Variants in CHD7 observed in about 807,000 individuals in gnomAD.
The protein encoded by CHD7 is ATP-dependent chromatin remodeler CHD7.
CHD7 carries 24 observed loss-of-function variants against 307.3 expected under a neutral mutation model. That is an observed-to-expected ratio of 0.08 (90% CI 0.06 to 0.11). The LOEUF is 0.11. Ranked by LOEUF, CHD7 falls within the 10% of genes least tolerant of loss-of-function variation. The pLI is 1.00. For missense variants in CHD7, 3,106 were observed against 3,727.1 expected (o/e 0.83, Z 4.34); for synonymous variants, 1,363 against 1,349.9 (o/e 1.01, Z -0.21).
At chr8:60,720,719 C>T (rs1807857743) in intron 1 of CHD7, among the ~76,000 whole-genome samples, 1 of 152,230 alleles carries the variant, frequency 6.6e-6, no homozygotes, top group Admixed American at 6.5e-5. Flanking sequence ...ATTGCTGCCG[C>T]TTACCAGCAG....
At chr8:60,807,132 C>A (rs759887582) in intron 6 of CHD7, among the ~76,000 whole-genome samples, 1 of 152,214 alleles carries the variant, frequency 6.6e-6, no homozygotes, top group Non-Finnish European at 1.5e-5. Context: ...ATTGAGGGGA[C>A]TAGTACCTTT....
chr8:60,821,603 C>CATATGTATAAACATATATATACATATGT (rs1170865895), intron 9 of CHD7, among the ~76,000 whole-genome samples, 187 bp from the exon 10 acceptor site: 98 of 149,704 alleles, frequency 6.5e-4, no homozygotes, highest in Non-Finnish European at 9.5e-4. Context: ...TACACACATA[C>CATATGTATAAACATATATATACATATGT]ATATGTATAA....
At position 60,795,134 on chromosome 8, in the gene CHD7, C is replaced by T. The variant is rs766163847; in HGVS notation, c.2238+7C>T. On this transcript the variant is annotated splice_region_variant and intron_variant, in intron 4 of 37. Transcript: ENST00000423902. ...TGAGGACCCAGGTGTTCAGGTAATA[C>T]AATTATTGTGATTCCCGAGCCTTGG... The T allele has an allele frequency of 4.4e-6, 7 of 1,609,102 alleles. No individual in the cohort carries two copies. In the Admixed American group the frequency reaches 8.5e-5, roughly 19 times the overall value.
chr8:60,789,103 G>A (rs1244444609), intron 3 of CHD7, among the ~76,000 whole-genome samples: 1 of 152,134 alleles, frequency 6.6e-6, no homozygotes, highest in African/African-American at 2.4e-5. Context: ...CTGCTCTTAA[G>A]TTGAGAGGCT....
intron 33 of CHD7, 57 bp from the exon 34 acceptor site, chr8:60,856,388 A>G (rs2129645627): frequency 2.0e-6 from 3 of 1,484,174 alleles, no homozygotes; most frequent in Middle Eastern, 1.8e-4. Context: ...AAGCCAGCCC[A>G]TATAGCAGTA....
intron 15 of CHD7, among the ~76,000 whole-genome samples, chr8:60,833,077 C>A (rs4416857): frequency 0.82 from 125,554 of 152,246 alleles, 52,285 homozygotes; most frequent in East Asian, 0.94. Context: ...CTCCAGGGCC[C>A]GTACTGTTCA....
intron 1 of CHD7, among the ~76,000 whole-genome samples, chr8:60,686,348 TAAA>T (rs10555815): frequency 0.11 from 16,642 of 148,792 alleles, 2,043 homozygotes; most frequent in African/African-American, 0.31. Flanking sequence ...CAGTTTTTCT[TAAA>T]AAAAAAAAAA....
intron 6 of CHD7, among the ~76,000 whole-genome samples, chr8:60,801,866 T>G (rs1409816980): frequency 6.6e-6 from 1 of 152,096 alleles, no homozygotes; most frequent in Non-Finnish European, 1.5e-5. Context: ...ACTTTCAGAG[T>G]TGTAGACTGC....
In CHD7 at chr8:60,862,628, C is replaced by T; in HGVS notation, c.8052C>T (p.Asp2684=). ...ATCCTGAATTTGCAGTTGCTCCAGA[C>T]TGGACTGATATAGTTAAGCAGTCTG... ...EENPEFAVAP[D]WTDIVKQSGF... is the part of the protein sequence containing the mutation. Residue 2684 remains aspartate, a synonymous_variant, in exon 37 of 38, where the codon GAC becomes GAT. Transcript: ENST00000423902. The T allele has an allele frequency of 6.4e-7, 1 of 1,567,636 alleles. No homozygotes were observed. Among genetic ancestry groups the T allele is most frequent in the South Asian group, 1.2e-5 (1 of 85,086 alleles).
intron 15 of CHD7, 37 bp downstream of exon 15, chr8:60,830,614 G>A (rs534374714): frequency 1.1e-5 from 17 of 1,600,276 alleles, no homozygotes; most frequent in Middle Eastern, 1.7e-4. Flanking sequence ...CTTAAGTGAC[G>A]ATTGAAGCAC....
In CHD7 at chr8:60,741,904, G is replaced by A. The variant is rs780282927; in HGVS notation, c.472G>A (p.Ala158Thr). ...RAVQVPDQIR[A>T]PYQQQQPQPQ... The stretch of plus-strand genomic sequence containing the variant: ...TGTTCAGGTACCAGACCAGATACGA[G>A]CCCCCTACCAGCAGCAGCAGCCACA... The change falls in exon 2 of 38, where the codon GCC becomes ACC. Residue 158 changes from alanine to threonine, a missense_variant. Ala to Thr is a moderately conservative substitution (Grantham distance 58, BLOSUM62 0). Transcript: ENST00000423902. 4.3e-6 allele frequency: 7 copies of A among 1,613,110 alleles called. No individual in the cohort carries two copies. The South Asian group carries it at 4.4e-5, about 10-fold the overall frequency.
chr8:60,817,793 C>T (rs1803816489), intron 8 of CHD7, among the ~76,000 whole-genome samples: 1 of 152,116 alleles, frequency 6.6e-6, no homozygotes, highest in South Asian at 2.1e-4. Flanking sequence ...ATTTTTATGA[C>T]ATTGGATGAG....
rs781080546 is a variant in CHD7, at chr8:60,861,073, A to C, written c.7778A>C (p.Glu2593Ala). The C allele has an allele frequency of 6.2e-7, 1 of 1,612,528 alleles. No homozygotes were observed. Among genetic ancestry groups the C allele is most frequent in the South Asian group, 1.1e-5 (1 of 90,742 alleles). ...GCTCCTAAAAATAAGGATTTAGTTG[A>C]ATGGCTGAAGCTGCACCCTACTTAC... ...EDAPKNKDLV[E>A]WLKLHPTYTV... Residue 2593 changes from glutamate to alanine, a missense_variant, in exon 35 of 38, where the codon GAA becomes GCA. By Grantham distance (107) the Glu-to-Ala change is moderately radical. Transcript: ENST00000423902.
At chr8:60,863,430 C>T (rs891168641) in intron 37 of CHD7, 2 of 152,246 alleles carry the variant, frequency 1.3e-5, no homozygotes, top group African/African-American at 4.8e-5. Flanking sequence ...GTAGCTGTCT[C>T]CATTGCATAG....
chr8:60,686,659 C>T (rs374209789), intron 1 of CHD7, among the ~76,000 whole-genome samples: 6 of 152,216 alleles, frequency 3.9e-5, no homozygotes, highest in African/African-American at 7.2e-5. Flanking sequence ...GGACCGCGTG[C>T]GACCTGGGTT....
intron 2 of CHD7, among the ~76,000 whole-genome samples, chr8:60,771,790 G>A (rs1810725856): frequency 6.6e-6 from 1 of 151,192 alleles, no homozygotes; most frequent in South Asian, 2.1e-4. Flanking sequence ...GTTGCCTGGG[G>A]CCACCTTCAG....
intron 6 of CHD7, 38 bp downstream of exon 6, chr8:60,801,631 A>G (rs41272438): frequency 1.5e-6 from 2 of 1,320,836 alleles, no homozygotes; most frequent in African/African-American, 1.5e-5. Context: ...TGTGAGGTGT[A>G]TGTGACTCTT....
At position 60,822,642 on chromosome 8, in the gene CHD7, A is replaced by C. The variant is rs780861512; in HGVS notation, c.3097A>C (p.Arg1033=). The C allele has an allele frequency of 1.9e-6, 3 of 1,613,914 alleles. No homozygotes were observed. The East Asian group carries it at 6.7e-5, about 36-fold the overall frequency. ...ATTGTCCACAATCCCCAACTGGGAAAGGGAATTCCGAACCTGGACAGAGTT... is the reference window on the plus strand; with the variant it reads ...ATTGTCCACAATCCCCAACTGGGAACGGGAATTCCGAACCTGGACAGAGTT... ...APLSTIPNWE[R]EFRTWTELNV... Residue 1033 remains arginine (R), a synonymous_variant, in exon 12 of 38, where the codon AGG becomes CGG. Transcript: ENST00000423902.
chr8:60,690,104 C>T (rs2150486733), intron 1 of CHD7, among the ~76,000 whole-genome samples: 1 of 152,174 alleles, frequency 6.6e-6, no homozygotes, highest in South Asian at 2.1e-4. Flanking sequence ...GTCATACACT[C>T]AGTCATATTC....
Sources: gnomAD v4.1 joint callset for allele counts (sites outside exome capture counted in the v4.1 genomes callset) on GRCh38, gnomAD v4.1.1 for gene constraint, MANE v1.5 for transcripts, NCBI Gene and HGNC (gene_info 2026-07-23, HGNC 2026-07-21) for gene names.